SYNE2: variants seen among roughly 807,000 people sequenced by gnomAD.
The protein encoded by SYNE2 is spectrin repeat containing nuclear envelope protein 2, also known as nesprin-2.
A neutral mutation model predicts 856.3 loss-of-function variants in SYNE2; 431 were observed. The ratio of observed to expected loss-of-function variants is 0.50; its 90% CI spans 0.47 to 0.55. The LOEUF is 0.55. Among genes scored for constraint, SYNE2 ranks in the 20% least tolerant of loss-of-function variants. The probability of loss-of-function intolerance (pLI) is 0.00; values close to 1 mark genes in which losing one functional copy is unlikely to be tolerated. For synonymous variants in SYNE2, 2,923 were observed against 2,872.3 expected (o/e 1.02, Z -0.56); for missense variants, 8,129 against 8,023.2 (o/e 1.01, Z -0.50).
chr14:63,949,202 A>G (rs1250894800), intron 6 of SYNE2, among the ~76,000 whole-genome samples: 1 of 152,198 alleles, frequency 6.6e-6, no homozygotes, highest in African/African-American at 2.4e-5. Flanking sequence ...CAATTTGTAC[A>G]TTTACTAGCA....
chr14:64,054,481 C>G (rs1467853260), intron 48 of SYNE2, among the ~76,000 whole-genome samples: 2 of 152,170 alleles, frequency 1.3e-5, no homozygotes, highest in Non-Finnish European at 1.5e-5. Flanking sequence ...AGATTTTTCT[C>G]AGAGTCCTGA....
chr14:63,931,385 AC>A, intron 2 of SYNE2, among the ~76,000 whole-genome samples: 1 of 152,076 alleles, frequency 6.6e-6, no homozygotes, highest in East Asian at 1.9e-4. Flanking sequence ...CCCCGTCTGT[AC>A]TAAAAATACA....
intron 47 of SYNE2, 119 bp from the exon 48 acceptor site, chr14:64,051,438 C>G (rs947386024): frequency 1.0e-6 from 1 of 954,608 alleles, no homozygotes; most frequent in African/African-American, 1.7e-5. Flanking sequence ...TTTTTACAGA[C>G]AGCCTAATTT....
intron 68 of SYNE2, 116 bp downstream of exon 68, chr14:64,121,177 GC>G: frequency 6.9e-7 from 1 of 1,454,338 alleles, no homozygotes; most frequent in Non-Finnish European, 9.5e-7. Context: ...ATCACCTGTG[GC>G]CAGGTGTTCG....
intron 66 of SYNE2, among the ~76,000 whole-genome samples, chr14:64,114,319 G>A (rs941084562): frequency 6.6e-6 from 1 of 152,136 alleles, no homozygotes; most frequent in African/African-American, 2.4e-5. Context: ...GCAGGGGCAC[G>A]CGAGCTGCTT....
At chr14:63,917,985 T>G (rs1385235158) in intron 2 of SYNE2, among the ~76,000 whole-genome samples, 1 of 152,156 alleles carries the variant, frequency 6.6e-6, no homozygotes, top group Non-Finnish European at 1.5e-5. Context: ...TAGGGCAAGA[T>G]AAATCCAGGG....
intron 1 of SYNE2, among the ~76,000 whole-genome samples, chr14:63,888,551 A>T (rs929770714): frequency 2.6e-5 from 4 of 152,246 alleles, no homozygotes; most frequent in African/African-American, 9.6e-5. Flanking sequence ...ACAGAGCTAA[A>T]GCACAGTGGT....
intron 18 of SYNE2, 57 bp downstream of exon 18, chr14:63,983,943 T>C (rs1594660576): frequency 1.5e-6 from 2 of 1,335,378 alleles, no homozygotes; most frequent in South Asian, 2.6e-5. Flanking sequence ...TTAACTTTGC[T>C]ATTAAAAAAA....
intron 96 of SYNE2, among the ~76,000 whole-genome samples, chr14:64,181,459 C>T (rs2098457760): frequency 6.6e-6 from 1 of 152,188 alleles, no homozygotes; most frequent in African/African-American, 2.4e-5. Context: ...CATAATTTTT[C>T]TCAAGTATCA....
At chr14:64,047,098 A>G (rs898298132) in intron 45 of SYNE2, among the ~76,000 whole-genome samples, 4 of 152,208 alleles carry the variant, frequency 2.6e-5, no homozygotes, top group East Asian at 1.9e-4. Context: ...CCAGCATCCA[A>G]GAAGAATGAA....
At chr14:64,016,356 A>C in intron 32 of SYNE2, 117 bp from the exon 33 acceptor site, 1 of 666,718 alleles carries the variant, frequency 1.5e-6, no homozygotes, top group South Asian at 2.2e-5. Context: ...CAATGTAAGA[A>C]GGTATTATGC....
intron 44 of SYNE2, 139 bp from the exon 45 acceptor site, chr14:64,030,875 CAA>C: frequency 1.5e-6 from 1 of 681,944 alleles, no homozygotes; most frequent in South Asian, 1.9e-5. Flanking sequence ...TAAATTTTGC[CAA>C]AGTTTCTTCT....
intron 107 of SYNE2, 79 bp downstream of exon 107, chr14:64,215,433 G>C: frequency 2.1e-6 from 3 of 1,405,506 alleles, no homozygotes; most frequent in South Asian, 2.3e-5. Flanking sequence ...CTCCCATGTC[G>C]TGTCTACCTC....
chr14:63,957,957 G>A (rs993045972), intron 8 of SYNE2, among the ~76,000 whole-genome samples: 2 of 152,116 alleles, frequency 1.3e-5, no homozygotes, highest in Admixed American at 6.5e-5. Flanking sequence ...AAGGAGAATC[G>A]CTCGAACCCG....
chr14:63,869,896 C>T (rs968028919), intron 1 of SYNE2, among the ~76,000 whole-genome samples: 1 of 152,122 alleles, frequency 6.6e-6, no homozygotes. Flanking sequence ...TGAACATTGT[C>T]TTTGGCACCT....
chr14:64,128,088 T>C (rs7160091), intron 73 of SYNE2, among the ~76,000 whole-genome samples: 38,747 of 152,068 alleles, frequency 0.25, 7,803 homozygotes, highest in African/African-American at 0.57. Context: ...TTAAATCATA[T>C]TAAGGAATTA....
intron 99 of SYNE2, chr14:64,202,156 G>C: frequency 1.4e-6 from 1 of 701,882 alleles, no homozygotes; most frequent in Non-Finnish European, 2.6e-6. Flanking sequence ...CTGCGCTTGC[G>C]TGCAGATTTC....
intron 65 of SYNE2, among the ~76,000 whole-genome samples, chr14:64,111,547 C>T (rs1367656134): frequency 6.6e-6 from 1 of 151,952 alleles, no homozygotes; most frequent in Non-Finnish European, 1.5e-5. Flanking sequence ...GCCTGTAATC[C>T]CAGCACTTTG....
Position 64,051,914 on chromosome 14 carries a change from C to T in SYNE2, c.8001C>T (p.Ala2667=). The T allele has an allele frequency of 6.2e-7, 1 of 1,613,888 alleles. No homozygotes were observed. The highest frequency in any genetic ancestry group is 8.5e-7 in the Non-Finnish European group (1 of 1,180,038). The change falls in exon 48 of 116, where the codon GCC becomes GCT. Residue 2667 remains alanine (A), a synonymous_variant. Coordinates refer to ENST00000555002, the MANE Select transcript of SYNE2 (RefSeq NM_182914.3). The part of the protein sequence containing the change: ...EERAGNQSMI[A]LTTDLQATKH... Reference sequence around the variant, plus strand: ...GGGCAGGGAACCAAAGCATGATTGCCTTGACCACTGACCTCCAGGCTACCA... The same window carrying T: ...GGGCAGGGAACCAAAGCATGATTGCTTTGACCACTGACCTCCAGGCTACCA...
Sources: gnomAD v4.1 joint callset for allele counts (sites outside exome capture counted in the v4.1 genomes callset) on GRCh38, gnomAD v4.1.1 for gene constraint, MANE v1.5 for transcripts, NCBI Gene and HGNC (gene_info 2026-07-23, HGNC 2026-07-21) for gene names.